PLEKHM3: variants seen among roughly 807,000 people sequenced by gnomAD.
The protein encoded by PLEKHM3 is pleckstrin homology domain-containing family M member 3.
PLEKHM3 carries 45 observed loss-of-function variants against 81.8 expected under a neutral mutation model. The ratio of observed to expected loss-of-function variants is 0.55; its 90% confidence interval spans 0.43 to 0.71. PLEKHM3 has a LOEUF of 0.71. Among genes scored for constraint, PLEKHM3 ranks in the 30% least tolerant of loss-of-function variants. PLEKHM3 has a pLI of 0.00. For missense variants in PLEKHM3, 788 were observed against 924.3 expected (o/e 0.85, Z 1.91); for synonymous variants, 352 against 356.4 (o/e 0.99, Z 0.14).
chr2:207,954,281 A>G (rs2105983625), intron 3 of PLEKHM3, among the ~76,000 whole-genome samples: 1 of 152,304 alleles, frequency 6.6e-6, no homozygotes, highest in Admixed American at 6.5e-5. Context: ...CCTTGAGCCC[A>G]GGAGTTCGAG....
chr2:207,860,151 C>CTGTGTGTGTGTGTGTGTGTGTG lies in PLEKHM3; in HGVS notation c.2108+932_2108+953dup, dbSNP rs55739776. ...GGAAACTGGAGGCTGAACTCTGCCT[C>CTGTGTGTGTGTGTGTGTGTGTG]TGTGTGTGTGTGTGTGTGTGTGTGT... On this transcript the variant is annotated intron_variant, in intron 7 of 7. Transcript: ENST00000427836. Among the ~76,000 whole-genome samples the CTGTGTGTGTGTGTGTGTGTGTG allele has an allele frequency of 1.4e-3, 151 of 110,748 alleles. 1 individual carries two copies. The highest frequency in any genetic ancestry group is 2.2e-3 in the South Asian group (6 of 2,774). 72.7% of individuals were successfully genotyped at this position (110,748 alleles called of 152,430 possible).
chr2:207,935,110 A>T (rs896964068), intron 4 of PLEKHM3, among the ~76,000 whole-genome samples: 14 of 152,226 alleles, frequency 9.2e-5, no homozygotes, highest in Non-Finnish European at 1.5e-5. Context: ...ACTAGTAAAG[A>T]TAATCTAATT....
chr2:207,823,488 G>GA lies in PLEKHM3; in HGVS notation c.*4830dup, dbSNP rs1452720403. 6.6e-6 allele frequency: 1 copy of GA among 152,202 alleles called. No individual in the cohort carries two copies. The highest frequency in any genetic ancestry group is 2.4e-5 in the African/African-American group (1 of 41,434). 9.4% of individuals were successfully genotyped at this position (152,202 alleles called of 1,614,324 possible). The stretch of plus-strand genomic sequence containing the variant: ...AGCTAATTTTTGTATTTTTAGTAAA[G>GA]AGGGGGGTTTCACCATGTTGGCCAG... On this transcript the variant is annotated 3_prime_UTR_variant, in exon 8 of 8. Transcript: ENST00000427836.
chr2:207,912,079 G>T (rs949376920), intron 5 of PLEKHM3, among the ~76,000 whole-genome samples: 1 of 152,126 alleles, frequency 6.6e-6, no homozygotes, highest in Non-Finnish European at 1.5e-5. Context: ...ATAAGGCATC[G>T]TGCTACGTGC....
chr2:207,983,294 G>A (rs1375490667), intron 2 of PLEKHM3, among the ~76,000 whole-genome samples: 4 of 151,788 alleles, frequency 2.6e-5, no homozygotes, highest in African/African-American at 4.8e-5. Flanking sequence ...CTTGTGATCC[G>A]CCCGCCTCGG....
At chr2:207,949,457 T>C (rs1022394728) in intron 3 of PLEKHM3, among the ~76,000 whole-genome samples, 2 of 152,148 alleles carry the variant, frequency 1.3e-5, no homozygotes, top group Non-Finnish European at 2.9e-5. Context: ...GGAGGAGCAC[T>C]TGAACCTAGG....
At chr2:207,906,448 G>A (rs1046866291) in intron 6 of PLEKHM3, among the ~76,000 whole-genome samples, 9 of 152,288 alleles carry the variant, frequency 5.9e-5, no homozygotes, top group Admixed American at 2.6e-4. Flanking sequence ...TCTTTTCTTA[G>A]ACTTCTCCAA....
intron 5 of PLEKHM3, among the ~76,000 whole-genome samples, chr2:207,920,651 C>T (rs1292881243): frequency 7.1e-6 from 1 of 139,940 alleles, no homozygotes; most frequent in Non-Finnish European, 1.6e-5. Context: ...AGCAGTTTGC[C>T]TATTTTTTTT....
chr2:207,930,086 A>G, intron 5 of PLEKHM3: 1 of 517,442 alleles, frequency 1.9e-6, no homozygotes, highest in Non-Finnish European at 3.4e-6. Flanking sequence ...ATTTTATGAG[A>G]GCAGGCACAT....
chr2:208,016,686 C>CACACACACACACACAT (rs1692932572), intron 1 of PLEKHM3, among the ~76,000 whole-genome samples: 2 of 149,408 alleles, frequency 1.3e-5, no homozygotes, highest in Non-Finnish European at 3.0e-5. Context: ...CACACACACA[C>CACACACACACACACAT]ACACACACAC....
intron 6 of PLEKHM3, among the ~76,000 whole-genome samples, chr2:207,892,227 T>G (rs1031638706): frequency 6.6e-6 from 1 of 152,186 alleles, no homozygotes; most frequent in African/African-American, 2.4e-5. Context: ...TAAAATAGAC[T>G]CCGTAAGTCA....
At chr2:208,024,150 A>ACT in intron 1 of PLEKHM3, among the ~76,000 whole-genome samples, 1 of 140,548 alleles carries the variant, frequency 7.1e-6, no homozygotes, top group African/African-American at 3.1e-5. Context: ...CTCAAAATAA[A>ACT]ATAAAATAAA....
Position 208,001,710 on chromosome 2 carries a change from C to T in PLEKHM3, c.-71G>A. ...ATGGCTTCATGAACATTCACCCAAC[C>T]AAGAGGGGTGCTTCAGCAATAGAGC... On this transcript the variant is annotated 5_prime_UTR_variant, in exon 2 of 8. Transcript: ENST00000427836. 3.3e-6 allele frequency: 5 copies of T among 1,535,334 alleles called. No individual in the cohort carries two copies. Among genetic ancestry groups the T allele is most frequent in the Non-Finnish European group, 3.5e-6 (4 of 1,149,228 alleles).
At chr2:207,829,181 G>A (rs1238336388) in intron 7 of PLEKHM3, among the ~76,000 whole-genome samples, 1 of 152,210 alleles carries the variant, frequency 6.6e-6, no homozygotes, top group Non-Finnish European at 1.5e-5. Flanking sequence ...AATATGTAGA[G>A]AGCAAACATT....
intron 5 of PLEKHM3, among the ~76,000 whole-genome samples, chr2:207,920,502 C>T (rs1051044697): frequency 1.3e-5 from 2 of 152,054 alleles, no homozygotes; most frequent in Non-Finnish European, 1.5e-5. Context: ...ATGACTTGAA[C>T]TGGGATTTCT....
At chr2:207,945,113 G>A (rs974818192) in intron 4 of PLEKHM3, among the ~76,000 whole-genome samples, 39 of 152,152 alleles carry the variant, frequency 2.6e-4, no homozygotes, top group African/African-American at 8.4e-4. Flanking sequence ...AAAGCAAATC[G>A]TCAGTTCTCA....
chr2:207,860,988 C>A, intron 7 of PLEKHM3, 117 bp downstream of exon 7: 4 of 1,224,070 alleles, frequency 3.3e-6, no homozygotes, highest in South Asian at 3.1e-5. Context: ...CAAGGAAAAC[C>A]TGATCCAGGG....
intron 3 of PLEKHM3, among the ~76,000 whole-genome samples, chr2:207,964,997 G>A (rs762000998): frequency 6.6e-6 from 1 of 152,138 alleles, no homozygotes; most frequent in Non-Finnish European, 1.5e-5. Context: ...TCCTTACCTA[G>A]TGGATATATT....
At chr2:207,854,512 T>C (rs2092428411) in intron 7 of PLEKHM3, among the ~76,000 whole-genome samples, 2 of 152,242 alleles carry the variant, frequency 1.3e-5, no homozygotes, top group South Asian at 4.1e-4. Context: ...AACATTTTTA[T>C]AGACATGTTT....
Sources: allele counts gnomAD v4.1 joint callset (sites outside exome capture counted in the v4.1 genomes callset), GRCh38; gene constraint gnomAD v4.1.1; transcripts MANE v1.5; gene names NCBI Gene and HGNC (gene_info 2026-07-23, HGNC 2026-07-21).